CA10: variants seen among roughly 807,000 people sequenced by gnomAD.
The protein encoded by CA10 is carbonic anhydrase 10 (inactive), also known as carbonic anhydrase-related protein 10.
A neutral mutation model predicts 44.2 loss-of-function variants in CA10; 14 were observed. That is an observed-to-expected ratio of 0.32 (90% CI 0.21 to 0.50). The LOEUF (loss-of-function observed/expected upper bound fraction) is 0.50, where lower values mean the gene tolerates loss of function less well. Ranked by LOEUF, CA10 falls within the 20% of genes least tolerant of loss-of-function variation. The pLI, the probability that CA10 is intolerant of heterozygous loss-of-function variation, is 0.99. For synonymous variants in CA10, 159 were observed against 141.6 expected, an observed-to-expected ratio of 1.12 and a Z score of -0.87; for missense variants, 350 against 409.7, an observed-to-expected ratio of 0.85 and a Z score of 1.26.
intron 2 of CA10, among the ~76,000 whole-genome samples, chr17:52,033,533 A>C (rs999744262): frequency 2.0e-5 from 3 of 152,212 alleles, no homozygotes; most frequent in Non-Finnish European, 4.4e-5. Context: ...GAATGGAAAA[A>C]TAAATTGTAG....
rs538978602 is a variant in CA10, at chr17:51,675,978, C to T, written c.466-22242G>A. ...CATATCTTGTAGGGACATGAAGCACCGTGATGCTTGTAAGGTCCTAAGTAT... is the reference window on the plus strand; with the variant it reads ...CATATCTTGTAGGGACATGAAGCACTGTGATGCTTGTAAGGTCCTAAGTAT... On this transcript the variant is annotated intron_variant, in intron 4 of 8. Transcript: ENST00000451037. Among the ~76,000 whole-genome samples, 16 of 152,298 alleles carry T rather than the reference C, an allele frequency of 1.1e-4. No homozygotes were observed. In the South Asian group the frequency reaches 2.1e-3, roughly 20 times the overall value.
At chr17:51,640,409 G>A (rs1033164410) in intron 6 of CA10, among the ~76,000 whole-genome samples, 8 of 152,118 alleles carry the variant, frequency 5.3e-5, no homozygotes, top group African/African-American at 1.2e-4. Flanking sequence ...GGGTGAGATT[G>A]CCTGCCCTGT....
chr17:51,999,720 T>C (rs7225549), intron 2 of CA10, among the ~76,000 whole-genome samples: 17,311 of 152,082 alleles, frequency 0.11, 1,009 homozygotes, highest in South Asian at 0.16. Flanking sequence ...GCTGTCCTTA[T>C]AGGTTCCAGC....
intron 3 of CA10, among the ~76,000 whole-genome samples, chr17:51,911,196 T>C (rs1981777492): frequency 6.6e-6 from 1 of 152,160 alleles, no homozygotes. Flanking sequence ...AGAATACATC[T>C]GACCTTGACT....
At chr17:51,928,718 C>T (rs1014062664) in intron 3 of CA10, among the ~76,000 whole-genome samples, 1 of 152,048 alleles carries the variant, frequency 6.6e-6, no homozygotes, top group Admixed American at 6.6e-5. Context: ...ATTTTCAAAT[C>T]GATTAAGTTG....
intron 3 of CA10, among the ~76,000 whole-genome samples, chr17:51,757,731 T>C (rs1458634980): frequency 6.6e-6 from 1 of 152,254 alleles, no homozygotes; most frequent in Non-Finnish European, 1.5e-5. Context: ...ATCTAGATAC[T>C]GGGCTCTTCT....
At chr17:52,119,929 G>A (rs749844921) in intron 1 of CA10, among the ~76,000 whole-genome samples, 5 of 152,130 alleles carry the variant, frequency 3.3e-5, no homozygotes, top group Admixed American at 6.5e-5. Context: ...CTGCAGCTCA[G>A]AAGAAACAAA....
chr17:51,975,048 T>C (rs1984415513), intron 2 of CA10, among the ~76,000 whole-genome samples: 1 of 152,140 alleles, frequency 6.6e-6, no homozygotes, highest in Non-Finnish European at 1.5e-5. Flanking sequence ...GGAGAGTTAA[T>C]ATTTTGAAGA....
chr17:51,712,955 G>A (rs1163596849), intron 4 of CA10, among the ~76,000 whole-genome samples: 1 of 152,208 alleles, frequency 6.6e-6, no homozygotes, highest in Non-Finnish European at 1.5e-5. Context: ...CTGTGACTTG[G>A]TGTTCCCACT....
Position 51,871,394 on chromosome 17 carries a change from ATT to A in CA10, c.279+59594_279+59595del, listed in dbSNP as rs11438821. ...TTACAGGTGCCCACCACCAGGCCTA[ATT>A]TTTTTTTTTTTTTTTTTTTTTTTAG... On this transcript the variant is annotated intron_variant, in intron 3 of 8. Transcript: ENST00000451037. 7.6e-4 allele frequency among the ~76,000 whole-genome samples: 62 copies of A among 81,288 alleles called. 1 individual carries two copies. Among genetic ancestry groups the A allele is most frequent in the African/African-American group, 2.8e-3 (55 of 19,962 alleles). The allele number at this position is 81,288 out of a possible 152,430, so 53.3% of individuals were successfully genotyped here.
chr17:51,975,404 C>T (rs1418660633), intron 2 of CA10, among the ~76,000 whole-genome samples: 1 of 152,130 alleles, frequency 6.6e-6, no homozygotes, highest in Non-Finnish European at 1.5e-5. Context: ...TCTGGCTGGG[C>T]GAAGTGACTC....
intron 4 of CA10, among the ~76,000 whole-genome samples, chr17:51,663,498 G>A (rs1237799770): frequency 1.3e-5 from 2 of 148,952 alleles, no homozygotes; most frequent in African/African-American, 2.5e-5. Context: ...TGGATGAGGA[G>A]AGTTAGGCTC....
chr17:52,081,656 C>T (rs1412538552), intron 1 of CA10, among the ~76,000 whole-genome samples: 4 of 151,944 alleles, frequency 2.6e-5, no homozygotes, highest in Middle Eastern at 3.4e-3. Flanking sequence ...AAAAATTAGC[C>T]GGGCGTAGTG....
chr17:51,845,736 A>G (rs1211020041), intron 3 of CA10, among the ~76,000 whole-genome samples: 1 of 152,194 alleles, frequency 6.6e-6, no homozygotes, highest in Non-Finnish European at 1.5e-5. Context: ...TGACAGGATA[A>G]AAAGTGGGCT....
chr17:51,996,504 T>C (rs985584978), intron 2 of CA10, among the ~76,000 whole-genome samples: 4 of 151,964 alleles, frequency 2.6e-5, no homozygotes. Flanking sequence ...TTCAATCTCC[T>C]CGACATGGCC....
chr17:51,722,078 T>C (rs1297237613), intron 4 of CA10, among the ~76,000 whole-genome samples: 1 of 152,204 alleles, frequency 6.6e-6, no homozygotes, highest in East Asian at 1.9e-4. Context: ...ACTCTTGCGA[T>C]CTGATGTTAA....
At chr17:51,875,194 G>A (rs1980013750) in intron 3 of CA10, among the ~76,000 whole-genome samples, 1 of 152,060 alleles carries the variant, frequency 6.6e-6, no homozygotes. Flanking sequence ...GGAACCAGGA[G>A]AGCTGCTTAT....
At chr17:51,908,821 A>G (rs1490452625) in intron 3 of CA10, among the ~76,000 whole-genome samples, 1 of 152,182 alleles carries the variant, frequency 6.6e-6, no homozygotes, top group Non-Finnish European at 1.5e-5. Flanking sequence ...CCAGTGATGT[A>G]TTTAGTACCC....
chr17:51,897,527 G>A (rs1206539009), intron 3 of CA10, among the ~76,000 whole-genome samples: 1 of 151,904 alleles, frequency 6.6e-6, no homozygotes, highest in Admixed American at 6.6e-5. Context: ...CTTTTTGGTT[G>A]TGATTGCTTT....
Sources: allele counts gnomAD v4.1 joint callset (sites outside exome capture counted in the v4.1 genomes callset), GRCh38; gene constraint gnomAD v4.1.1; transcripts MANE v1.5; gene names NCBI Gene and HGNC (gene_info 2026-07-23, HGNC 2026-07-21).